The following AKAP3 variants were observed in gnomAD, a reference collection of about 807,000 sequenced individuals.
AKAP3 encodes A-kinase anchor protein 3.
In AKAP3, 27 loss-of-function variants were observed where a neutral mutation model predicts 57.2. The ratio of observed to expected loss-of-function variants is 0.47; its 90% CI spans 0.35 to 0.65. The LOEUF (loss-of-function observed/expected upper bound fraction) is 0.65. Ranked by LOEUF, AKAP3 falls within the 30% of genes least tolerant of loss-of-function variation. The pLI is 0.01. For missense variants in AKAP3, 959 were observed against 1,040.0 expected, an observed-to-expected ratio of 0.92 and a Z score of 1.07; for synonymous variants, 334 against 392.3, an observed-to-expected ratio of 0.85 and a Z score of 1.76.
intron 5 of AKAP3, among the ~76,000 whole-genome samples, chr12:4,622,412 T>TA (rs1945357794): frequency 6.6e-6 from 1 of 152,140 alleles, no homozygotes; most frequent in Non-Finnish European, 1.5e-5. Flanking sequence ...CAAAACAGCA[T>TA]GGTACTGGTA....
chr12:4,648,143 C>G (rs951749950), intron 1 of AKAP3: 2 of 152,338 alleles, frequency 1.3e-5, no homozygotes, highest in East Asian at 1.9e-4. Flanking sequence ...AGCGCTTAGT[C>G]TAACCTGGAA....
At chr12:4,643,962 T>G (rs1945667642) in intron 2 of AKAP3, among the ~76,000 whole-genome samples, 1 of 152,174 alleles carries the variant, frequency 6.6e-6, no homozygotes, top group South Asian at 2.1e-4. Context: ...TCAACCAGGT[T>G]TTATTACTAG....
chr12:4,628,349 C>G lies in AKAP3; in HGVS notation c.553G>C (p.Ala185Pro). Residue 185 changes from alanine (A) to proline (P), a missense_variant, in exon 5 of 6, where the codon GCA (alanine) becomes CCA (proline). Transcript: ENST00000228850. ...TCTGGGGCAGCATTCCTGGAACATG[C>G]AGAGACGGTCTCATTCACAAGCTCT... ...ASELVNETVS[A>P]CSRNAAPDKA... The G allele has an allele frequency of 6.2e-7, 1 of 1,614,170 alleles. No homozygotes were observed. Among genetic ancestry groups the G allele is most frequent in the East Asian group, 2.2e-5 (1 of 44,872 alleles).
At chr12:4,636,146 G>T in intron 4 of AKAP3, 1 of 788,582 alleles carries the variant, frequency 1.3e-6, no homozygotes, top group Non-Finnish European at 2.2e-6. Flanking sequence ...GGTCTTGCTT[G>T]CGCCTCGATT....
chr12:4,629,189 T>C (rs1342369729), intron 4 of AKAP3, among the ~76,000 whole-genome samples: 1 of 152,230 alleles, frequency 6.6e-6, no homozygotes, highest in Non-Finnish European at 1.5e-5. Flanking sequence ...GTATACTATG[T>C]TGCTTCTAAT....
intron 4 of AKAP3, among the ~76,000 whole-genome samples, chr12:4,634,280 G>A (rs1021383434): frequency 1.2e-4 from 18 of 152,120 alleles, no homozygotes; most frequent in African/African-American, 3.4e-4. Context: ...TACATTGCTC[G>A]TTATGGTTCT....
chr12:4,635,304 G>A, intron 4 of AKAP3: 1 of 393,044 alleles, frequency 2.5e-6, no homozygotes, highest in Non-Finnish European at 4.8e-6. Context: ...TAACATTTAA[G>A]AAGCAGAAGA....
chr12:4,626,533 A>G lies in AKAP3; in HGVS notation c.2369T>C (p.Leu790Ser), dbSNP rs753969101. ...CCCTTCATCATCACCAGCAAAATAC[A>G]AAATAGGGACATTGAGCTCAGAGGC... is the stretch of plus-strand genomic sequence containing the variant. ...VAASELNVPI[L>S]YFAGDDEGIQ... Residue 790 changes from leucine (L) to serine (S), a missense_variant, in exon 5 of 6, where the codon TTG becomes TCG. Leu to Ser is a moderately radical substitution (Grantham distance 145). Transcript: ENST00000228850. 59 of 1,613,976 alleles carry G rather than the reference A, an allele frequency of 3.7e-5. No homozygotes were observed. The highest frequency in any genetic ancestry group is 4.8e-5 in the Non-Finnish European group (57 of 1,179,998).
chr12:4,624,824 G>GTGTGTGTGTGTGTGTGTATATATA (rs143324716), intron 5 of AKAP3, among the ~76,000 whole-genome samples: 4 of 140,996 alleles, frequency 2.8e-5, no homozygotes, highest in African/African-American at 1.0e-4. Context: ...GTGTGTGTGT[G>GTGTGTGTGTGTGTGTGTATATATA]TATATAAAAG....
Position 4,626,827 on chromosome 12 carries a change from A to G in AKAP3, c.2075T>C (p.Leu692Ser). The change falls in exon 5 of 6, where the codon TTG (leucine) becomes TCG (serine). Residue 692 changes from leucine (L) to serine (S), a missense_variant. Physicochemically the swap from Leu to Ser is moderately radical, Grantham distance 145. Coordinates refer to ENST00000228850, the MANE Select transcript of AKAP3 (RefSeq NM_001278309.2). ...AGACTTGTCATCTCCCAGCTCTGCC[A>G]ACGAAGCATCACAGGACTTAGCAAT... ...VIIAKSCDAS[L>S]AELGDDKSGD... 6.2e-7 allele frequency: 1 copy of G among 1,605,934 alleles called. No homozygotes were observed. Among genetic ancestry groups the G allele is most frequent in the East Asian group, 2.2e-5 (1 of 44,892 alleles).
chr12:4,625,803 TG>T lies in AKAP3; in HGVS notation c.2406+692del, dbSNP rs1473908858. On this transcript the variant is annotated intron_variant, in intron 5 of 5. Coordinates refer to ENST00000228850, the MANE Select transcript of AKAP3 (RefSeq NM_001278309.2). This position sits in a 1 kb window ranked among gnomAD's most constrained non-coding sequence, Gnocchi z 5.4. ...TTCCCGCACTTCAGTGTGAAGCATC[TG>T]GGGTAAGTGTGCGTGTTCTCCAGAC... 6.6e-6 allele frequency among the ~76,000 whole-genome samples: 1 copy of T among 152,084 alleles called. No homozygotes were observed. The highest frequency in any genetic ancestry group is 1.5e-5 in the Non-Finnish European group (1 of 68,016).
chr12:4,631,466 G>C, intron 4 of AKAP3: 1 of 638,518 alleles, frequency 1.6e-6, no homozygotes, highest in South Asian at 1.9e-5. Flanking sequence ...CTCTATCAGT[G>C]TCTGTATCAC....
In AKAP3 at chr12:4,638,252, A is replaced by G. The variant is rs192459826; in HGVS notation, c.1-56T>C. 2.7e-4 allele frequency: 334 copies of G among 1,257,384 alleles called. No individual in the cohort carries two copies. The East Asian group carries it at 7.1e-3, about 27-fold the overall frequency. 77.9% of individuals were successfully genotyped at this position (1,257,384 alleles called of 1,614,324 possible). ...TCATCACAAGGGCAGATTTTATGAA[A>G]GTAAGAAGAAATGTGGTAAAGGGCT... On this transcript the variant is annotated intron_variant, in intron 3 of 5. Coordinates refer to ENST00000228850, the MANE Select transcript of AKAP3 (RefSeq NM_001278309.2).
chr12:4,644,274 G>A (rs1271979750), intron 2 of AKAP3, among the ~76,000 whole-genome samples: 1 of 152,220 alleles, frequency 6.6e-6, no homozygotes, highest in African/African-American at 2.4e-5. Flanking sequence ...TCCCAGTTCT[G>A]TTGTCTAACC....
At chr12:4,633,843 T>TTGAAATGATCAA (rs1458680900) in intron 4 of AKAP3, among the ~76,000 whole-genome samples, 2 of 151,958 alleles carry the variant, frequency 1.3e-5, no homozygotes, top group Non-Finnish European at 2.9e-5. Flanking sequence ...ACCTCCCATT[T>TTGAAATGATCAA]TGAAATGATC....
rs559892469 is a variant in AKAP3, at chr12:4,628,744, G to A, written c.158C>T (p.Thr53Ile). Reference protein sequence around the residue: ...SWLRRDLEKSTAEFQDVRFKP... With the variant: ...SWLRRDLEKSIAEFQDVRFKP... ...GAACCGAACATCTTGGAACTCTGCT[G>A]TACTCTTCTCCAGGTCTCTGCGGAG... The change falls in exon 5 of 6, where the codon ACA becomes ATA. Residue 53 changes from threonine to isoleucine, a missense_variant. By Grantham distance (89) the Thr-to-Ile change is moderately conservative. Transcript: ENST00000228850. The A allele has an allele frequency of 1.2e-6, 2 of 1,614,154 alleles. No homozygotes were observed. Among genetic ancestry groups the A allele is most frequent in the South Asian group, 1.1e-5 (1 of 91,082 alleles).
chr12:4,635,952 G>T, intron 4 of AKAP3: 1 of 1,005,734 alleles, frequency 9.9e-7, no homozygotes. Context: ...TTCTTTTTGG[G>T]CCCATATTTC....
At chr12:4,617,570 T>C (rs951274944) in intron 5 of AKAP3, among the ~76,000 whole-genome samples, 3 of 152,134 alleles carry the variant, frequency 2.0e-5, no homozygotes, top group African/African-American at 7.2e-5. Flanking sequence ...CTGGCCAATA[T>C]GGCAAAACCC....
chr12:4,633,487 G>C (rs536604156), intron 4 of AKAP3, among the ~76,000 whole-genome samples: 3 of 152,146 alleles, frequency 2.0e-5, no homozygotes, highest in Admixed American at 2.0e-4. Context: ...TCCAACTGTA[G>C]TGACTGAAAG....
Sources: allele counts gnomAD v4.1 joint callset (sites outside exome capture counted in the v4.1 genomes callset), GRCh38; gene constraint gnomAD v4.1.1; non-coding constraint Gnocchi (gnomAD v3.1); transcripts MANE v1.5; gene names NCBI Gene and HGNC (gene_info 2026-07-23, HGNC 2026-07-21).